Variants in PCDH9 observed in about 807,000 individuals in gnomAD.
PCDH9 encodes protocadherin-9.
Under a neutral mutation model 70.6 loss-of-function variants are expected in PCDH9, and 24 were observed. The ratio of observed to expected loss-of-function variants is 0.34; its 90% CI spans 0.25 to 0.48. PCDH9 has a LOEUF of 0.48. PCDH9 is among the 20% of genes least tolerant of loss of function. The pLI, the probability that PCDH9 is intolerant of heterozygous loss-of-function variation, is 0.99. For synonymous variants in PCDH9, 562 were observed against 558.5 expected (o/e 1.01, Z -0.09); for missense variants, 1,281 against 1,503.6 (o/e 0.85, Z 2.45).
chr13:67,118,770 A>G (rs1192791165), intron 2 of PCDH9, among the ~76,000 whole-genome samples: 1 of 152,178 alleles, frequency 6.6e-6, no homozygotes, highest in Non-Finnish European at 1.5e-5. Context: ...AAATATCTAT[A>G]TCTATGACAC....
Position 66,376,122 on chromosome 13 carries a change from A to T in PCDH9, c.3341-71094T>A, listed in dbSNP as rs74322729. 3.4e-3 allele frequency among the ~76,000 whole-genome samples: 524 copies of T among 152,240 alleles called. 5 individuals are homozygous for T. Among genetic ancestry groups the T allele is most frequent in the African/African-American group, 0.012 (499 of 41,558 alleles). Reference sequence around the variant, plus strand: ...CGTGCCCCCAGATTTACCACTACCAAAAATAGAAGGAATTAAACAGAGTTG... The same window carrying T: ...CGTGCCCCCAGATTTACCACTACCATAAATAGAAGGAATTAAACAGAGTTG... On this transcript the variant is annotated intron_variant, in intron 4 of 4. Transcript: ENST00000377865.
intron 2 of PCDH9, among the ~76,000 whole-genome samples, chr13:67,120,986 C>T (rs550948846): frequency 6.6e-6 from 1 of 151,274 alleles, no homozygotes; most frequent in Admixed American, 6.6e-5. Context: ...ATTGTTAACA[C>T]AATCTATCTA....
chr13:66,699,261 A>T (rs1415415826), intron 3 of PCDH9, among the ~76,000 whole-genome samples: 1 of 152,044 alleles, frequency 6.6e-6, no homozygotes, highest in Non-Finnish European at 1.5e-5. Context: ...ACAGGAAATA[A>T]TTGTTTGAGA....
At chr13:66,650,427 C>G (rs1264921350) in intron 3 of PCDH9, among the ~76,000 whole-genome samples, 1 of 151,796 alleles carries the variant, frequency 6.6e-6, no homozygotes, top group Non-Finnish European at 1.5e-5. Flanking sequence ...AGAGTATATA[C>G]CAATTGTAAA....
rs1319836568 is a variant in PCDH9, at chr13:66,445,102, T to G, written c.3341-140074A>C. Among the ~76,000 whole-genome samples, 4 of 147,296 alleles carry G rather than the reference T, an allele frequency of 2.7e-5. No individual in the cohort carries two copies. The Admixed American group carries it at 2.7e-4, about 10-fold the overall frequency. On this transcript the variant is annotated intron_variant, in intron 4 of 4. Transcript: ENST00000377865. ...CTATCATATATAATATTATATATAA[T>G]GTATATTATATAATTTTATTGTATT...
At chr13:66,675,461 C>A (rs2078230171) in intron 3 of PCDH9, among the ~76,000 whole-genome samples, 1 of 152,056 alleles carries the variant, frequency 6.6e-6, no homozygotes, top group East Asian at 1.9e-4. Flanking sequence ...TTGCATGTTT[C>A]TGGTTATAGA....
At chr13:66,806,714 G>T (rs115238183) in intron 3 of PCDH9, among the ~76,000 whole-genome samples, 2,939 of 152,146 alleles carry the variant, frequency 0.019, 92 homozygotes, top group African/African-American at 0.067. Context: ...TGTAAAATTG[G>T]GATAATAATA....
At chr13:66,358,275 T>G (rs561765428) in intron 4 of PCDH9, among the ~76,000 whole-genome samples, 3 of 152,102 alleles carry the variant, frequency 2.0e-5, no homozygotes, top group African/African-American at 7.2e-5. Context: ...TTTGTTTCAG[T>G]ATAGTACCTT....
At chr13:66,587,013 G>A (rs1378494669) in intron 4 of PCDH9, among the ~76,000 whole-genome samples, 2 of 152,026 alleles carry the variant, frequency 1.3e-5, no homozygotes, top group Non-Finnish European at 2.9e-5. Context: ...ATCACTGCGA[G>A]TACGGCACCC....
intron 3 of PCDH9, among the ~76,000 whole-genome samples, chr13:66,892,358 A>C (rs1224890884): frequency 1.3e-5 from 2 of 151,580 alleles, no homozygotes; most frequent in Admixed American, 6.6e-5. Context: ...AATTAATAGA[A>C]TGTCCATAAT....
intron 3 of PCDH9, among the ~76,000 whole-genome samples, chr13:66,751,694 T>G (rs964457533): frequency 6.6e-6 from 1 of 152,228 alleles, no homozygotes; most frequent in Non-Finnish European, 1.5e-5. Context: ...TAGCCACTTA[T>G]GTGCCCCTTT....
chr13:67,209,121 G>C (rs1167613086), intron 2 of PCDH9: 1 of 152,086 alleles, frequency 6.6e-6, no homozygotes, highest in Non-Finnish European at 1.5e-5. Context: ...TGTATTACAA[G>C]AGCAGAATTG....
At chr13:66,805,865 C>T (rs1490667475) in intron 3 of PCDH9, among the ~76,000 whole-genome samples, 2 of 152,118 alleles carry the variant, frequency 1.3e-5, no homozygotes, top group Admixed American at 1.3e-4. Flanking sequence ...CCAAATACCA[C>T]AGTAGTTCAT....
chr13:66,798,435 A>C (rs2080278291), intron 3 of PCDH9, among the ~76,000 whole-genome samples: 1 of 152,140 alleles, frequency 6.6e-6, no homozygotes, highest in African/African-American at 2.4e-5. Flanking sequence ...ACAGACACTG[A>C]ATCTAGACAA....
At chr13:66,793,170 T>C (rs990040533) in intron 3 of PCDH9, among the ~76,000 whole-genome samples, 3 of 152,004 alleles carry the variant, frequency 2.0e-5, no homozygotes, top group Non-Finnish European at 4.4e-5. Context: ...ATGATGGTCA[T>C]TAGATGTAAA....
intron 2 of PCDH9, among the ~76,000 whole-genome samples, chr13:66,943,504 A>G (rs149778795): frequency 5.3e-5 from 8 of 152,074 alleles, no homozygotes; most frequent in African/African-American, 1.9e-4. Flanking sequence ...TTCCTCAAAA[A>G]TTTTGGTTTA....
At chr13:66,445,825 T>C (rs7491778) in intron 4 of PCDH9, among the ~76,000 whole-genome samples, 9 of 136,676 alleles carry the variant, frequency 6.6e-5, no homozygotes, top group East Asian at 2.1e-4. Flanking sequence ...TACACATATA[T>C]ACACACACAC....
At chr13:66,655,490 C>T (rs960756147) in intron 3 of PCDH9, among the ~76,000 whole-genome samples, 2 of 151,838 alleles carry the variant, frequency 1.3e-5, no homozygotes, top group African/African-American at 2.4e-5. Context: ...TTTTAATGTG[C>T]TTTTTCTTCA....
intron 4 of PCDH9, among the ~76,000 whole-genome samples, chr13:66,422,392 C>T (rs191360867): frequency 1.3e-5 from 2 of 152,088 alleles, no homozygotes; most frequent in Admixed American, 1.3e-4. Context: ...ACTCTACAAT[C>T]GACCACATAA....
Sources: allele counts gnomAD v4.1 joint callset (sites outside exome capture counted in the v4.1 genomes callset), GRCh38; gene constraint gnomAD v4.1.1; transcripts MANE v1.5; gene names NCBI Gene and HGNC (gene_info 2026-07-23, HGNC 2026-07-21).